The following KCNN2 variants were observed in gnomAD, a reference collection of about 807,000 sequenced individuals.
KCNN2 encodes potassium calcium-activated channel subfamily N member 2.
KCNN2 carries 24 observed loss-of-function variants against 55.5 expected under a neutral mutation model. The ratio of observed to expected loss-of-function variants is 0.43; its 90% CI spans 0.31 to 0.61. The LOEUF is 0.61. Among genes scored for constraint, KCNN2 ranks in the 20% least tolerant of loss-of-function variants. The probability of loss-of-function intolerance (pLI) is 0.08; values close to 1 mark genes in which losing one functional copy is unlikely to be tolerated. For synonymous variants in KCNN2, 431 were observed against 336.1 expected (o/e 1.28, Z -3.09); for missense variants, 754 against 853.6 (o/e 0.88, Z 1.45).
chr5:114,471,887 T>A (rs1173363604), intron 4 of KCNN2, among the ~76,000 whole-genome samples: 1 of 152,220 alleles, frequency 6.6e-6, no homozygotes, highest in Non-Finnish European at 1.5e-5. Flanking sequence ...CCTGCCAGAT[T>A]TGTTGCAGCA....
chr5:114,328,637 C>T (rs1229999552), intron 2 of KCNN2, among the ~76,000 whole-genome samples: 1 of 152,154 alleles, frequency 6.6e-6, no homozygotes, highest in Non-Finnish European at 1.5e-5. Context: ...CTGCCCAGTG[C>T]CTGGTCACCT....
intron 2 of KCNN2, among the ~76,000 whole-genome samples, chr5:114,281,976 G>C (rs943440388): frequency 6.6e-6 from 1 of 151,844 alleles, no homozygotes; most frequent in Admixed American, 6.6e-5. Flanking sequence ...GGGTGCTATA[G>C]TTTTTATATA....
At chr5:114,195,959 A>G (rs1375101914) in intron 1 of KCNN2, among the ~76,000 whole-genome samples, 1 of 151,974 alleles carries the variant, frequency 6.6e-6, no homozygotes, top group Non-Finnish European at 1.5e-5. Flanking sequence ...ATTTTGAATT[A>G]GTTTTTTGAT....
intron 1 of KCNN2, among the ~76,000 whole-genome samples, chr5:114,195,388 C>T (rs1753533321): frequency 6.6e-6 from 1 of 151,854 alleles, no homozygotes; most frequent in African/African-American, 2.4e-5. Context: ...AGTTTTAAGG[C>T]TGTGTCTTAA....
chr5:114,166,692 G>A (rs1386439749), intron 1 of KCNN2, among the ~76,000 whole-genome samples: 1 of 152,150 alleles, frequency 6.6e-6, no homozygotes, highest in South Asian at 2.1e-4. Context: ...AAAGCCTCCA[G>A]ACACATGTAG....
chr5:114,082,182 G>A (rs1183807865), intron 1 of KCNN2, among the ~76,000 whole-genome samples: 5 of 151,896 alleles, frequency 3.3e-5, no homozygotes, highest in Admixed American at 1.3e-4. Context: ...GACTTAGGCC[G>A]GGCATGGTGG....
Position 114,493,388 on chromosome 5 carries a change from G to A in KCNN2, c.2019-15G>A. 1 of 1,513,326 alleles carries A rather than the reference G, an allele frequency of 6.6e-7. No homozygotes were observed. Among genetic ancestry groups the A allele is most frequent in the Non-Finnish European group, 9.2e-7 (1 of 1,087,828 alleles). 93.7% of individuals were successfully genotyped at this position (1,513,326 alleles called of 1,614,324 possible). A position where few individuals can be genotyped will look rare whatever the true frequency, so the allele number is the denominator to read the frequency against. Reference sequence around the variant, plus strand: ...GAAGAAGGGAACCTTTCTGATACCAGATTCTATCTTTTAGATTAAGAAGTG... The same window carrying A: ...GAAGAAGGGAACCTTTCTGATACCAAATTCTATCTTTTAGATTAAGAAGTG... On this transcript the variant is annotated splice_polypyrimidine_tract_variant and intron_variant, in intron 6 of 7. Transcript: ENST00000673685.
intron 2 of KCNN2, among the ~76,000 whole-genome samples, chr5:114,313,754 A>T (rs1756449842): frequency 6.6e-6 from 1 of 152,142 alleles, no homozygotes; most frequent in Non-Finnish European, 1.5e-5. Flanking sequence ...TTAACTCTGA[A>T]GACAGGCTTT....
At chr5:114,146,204 A>G (rs1253325913) in intron 1 of KCNN2, among the ~76,000 whole-genome samples, 1 of 152,192 alleles carries the variant, frequency 6.6e-6, no homozygotes, top group Non-Finnish European at 1.5e-5. Context: ...TGACAGTAAC[A>G]GAACTAGATT....
chr5:114,289,248 C>G (rs1408265972), intron 2 of KCNN2, among the ~76,000 whole-genome samples: 1 of 152,008 alleles, frequency 6.6e-6, no homozygotes, highest in Non-Finnish European at 1.5e-5. Flanking sequence ...ATTGCCATAA[C>G]TTTATGTTTT....
intron 1 of KCNN2, among the ~76,000 whole-genome samples, chr5:114,089,348 A>C (rs561979162): frequency 6.6e-6 from 1 of 152,166 alleles, no homozygotes; most frequent in Non-Finnish European, 1.5e-5. Flanking sequence ...GCTTAGTCCT[A>C]TTCCTAAGAT....
chr5:114,311,851 C>G (rs1756396590), intron 2 of KCNN2, among the ~76,000 whole-genome samples: 1 of 152,122 alleles, frequency 6.6e-6, no homozygotes, highest in South Asian at 2.1e-4. Flanking sequence ...CTCTGAGCCT[C>G]AGTTCCTCAT....
chr5:114,411,422 G>C (rs1232312413), intron 3 of KCNN2, among the ~76,000 whole-genome samples: 1 of 152,058 alleles, frequency 6.6e-6, no homozygotes, highest in Non-Finnish European at 1.5e-5. Context: ...GTCCCAAGGA[G>C]AGGCCATCTG....
intron 2 of KCNN2, among the ~76,000 whole-genome samples, chr5:114,389,248 T>A (rs1458414951): frequency 2.0e-5 from 3 of 152,172 alleles, no homozygotes; most frequent in Non-Finnish European, 4.4e-5. Flanking sequence ...AACAAGGGCC[T>A]TAGATAACCA....
intron 2 of KCNN2, among the ~76,000 whole-genome samples, chr5:114,237,202 C>G (rs1754515980): frequency 6.6e-6 from 1 of 151,726 alleles, no homozygotes; most frequent in Non-Finnish European, 1.5e-5. Flanking sequence ...GCAACACTCT[C>G]TCTCAAAAAC....
intron 2 of KCNN2, among the ~76,000 whole-genome samples, chr5:114,222,981 A>G (rs1317722328): frequency 6.6e-6 from 1 of 152,172 alleles, no homozygotes; most frequent in African/African-American, 2.4e-5. Flanking sequence ...CATAATCTCT[A>G]TTGAGGTCTC....
chr5:114,285,758 T>C (rs181137109), intron 2 of KCNN2, among the ~76,000 whole-genome samples: 120 of 152,280 alleles, frequency 7.9e-4, no homozygotes, highest in Middle Eastern at 6.8e-3. Flanking sequence ...GAGTTGAAGA[T>C]GGAAAATGCT....
chr5:114,093,005 T>A (rs1443464964), intron 1 of KCNN2, among the ~76,000 whole-genome samples: 1 of 152,238 alleles, frequency 6.6e-6, no homozygotes, highest in Non-Finnish European at 1.5e-5. Flanking sequence ...TATGCAAATT[T>A]CTGCAGCTGC....
intron 3 of KCNN2, among the ~76,000 whole-genome samples, chr5:114,418,756 A>C (rs183035168): frequency 6.6e-6 from 1 of 152,292 alleles, no homozygotes; most frequent in Admixed American, 6.5e-5. Context: ...CCTGCTGTGC[A>C]TTTAATTTCT....
Sources: gnomAD v4.1 joint callset for allele counts (sites outside exome capture counted in the v4.1 genomes callset) on GRCh38, gnomAD v4.1.1 for gene constraint, MANE v1.5 for transcripts, NCBI Gene and HGNC (gene_info 2026-07-23, HGNC 2026-07-21) for gene names.